Variants in CTNNA3 observed in about 807,000 individuals in gnomAD.
CTNNA3 encodes catenin alpha-3.
Under a neutral mutation model 95.7 loss-of-function variants are expected in CTNNA3, and 76 were observed. That is an observed-to-expected ratio of 0.79 (90% CI 0.66 to 0.96). The LOEUF (loss-of-function observed/expected upper bound fraction) is 0.96. CTNNA3 is among the 40% of genes least tolerant of loss of function. The pLI is 0.00. For missense variants in CTNNA3, 1,191 were observed against 1,089.8 expected (o/e 1.09, Z -1.31); for synonymous variants, 431 against 374.4 (o/e 1.15, Z -1.74).
intron 9 of CTNNA3, among the ~76,000 whole-genome samples, chr10:66,753,196 C>T (rs769181427): frequency 9.9e-5 from 15 of 152,132 alleles, no homozygotes; most frequent in Admixed American, 2.0e-4. Context: ...TGTAAGTTCT[C>T]CCAATAAATC....
intron 7 of CTNNA3, among the ~76,000 whole-genome samples, chr10:67,174,787 T>G (rs1357101328): frequency 6.6e-6 from 1 of 152,180 alleles, no homozygotes; most frequent in Non-Finnish European, 1.5e-5. Context: ...ATGATTCCTT[T>G]ATATCTTCTT....
At chr10:67,057,876 A>G (rs1855533684) in intron 7 of CTNNA3, among the ~76,000 whole-genome samples, 1 of 152,094 alleles carries the variant, frequency 6.6e-6, no homozygotes, top group African/African-American at 2.4e-5. Context: ...TTCATACTCT[A>G]CCCCACAAAT....
chr10:65,924,185 A>T (rs780878020), intron 17 of CTNNA3, among the ~76,000 whole-genome samples: 11 of 152,210 alleles, frequency 7.2e-5, no homozygotes, highest in African/African-American at 2.4e-4. Context: ...AAATTAGTAT[A>T]TTCTTTCCCA....
intron 11 of CTNNA3, among the ~76,000 whole-genome samples, chr10:66,440,209 G>A (rs2093365733): frequency 2.6e-5 from 4 of 152,242 alleles, no homozygotes; most frequent in Admixed American, 2.6e-4. Flanking sequence ...CAATGTGACT[G>A]TCAGGAAAAA....
chr10:67,616,491 A>T (rs925327897), intron 2 of CTNNA3, among the ~76,000 whole-genome samples: 2 of 152,180 alleles, frequency 1.3e-5, no homozygotes, highest in Non-Finnish European at 2.9e-5. Flanking sequence ...TTGAGGAAGC[A>T]GTGGCGGAGT....
At chr10:67,201,702 C>T (rs1863659175) in intron 6 of CTNNA3, among the ~76,000 whole-genome samples, 1 of 152,098 alleles carries the variant, frequency 6.6e-6, no homozygotes, top group South Asian at 2.1e-4. Flanking sequence ...ACTTTAATTG[C>T]AATTATATCC....
intron 11 of CTNNA3, among the ~76,000 whole-genome samples, chr10:66,470,667 G>C (rs1839094653): frequency 6.6e-6 from 1 of 151,716 alleles, no homozygotes; most frequent in Admixed American, 6.6e-5. Context: ...GCCAGCAAAA[G>C]AGACAGATAA....
intron 5 of CTNNA3, among the ~76,000 whole-genome samples, chr10:67,342,783 T>C (rs1156520869): frequency 6.6e-6 from 1 of 152,256 alleles, no homozygotes; most frequent in Non-Finnish European, 1.5e-5. Context: ...TTCTTTATTC[T>C]GTTCCATTGG....
chr10:66,424,465 G>A (rs548187348), intron 11 of CTNNA3, among the ~76,000 whole-genome samples: 18 of 151,946 alleles, frequency 1.2e-4, no homozygotes, highest in African/African-American at 3.9e-4. Flanking sequence ...AGATTTAGAC[G>A]CATTCAGTTG....
At chr10:66,969,980 C>A (rs1457283481) in intron 7 of CTNNA3, among the ~76,000 whole-genome samples, 3 of 152,108 alleles carry the variant, frequency 2.0e-5, no homozygotes, top group Admixed American at 6.5e-5. Context: ...TCAGAGATTT[C>A]TCCCACATCA....
chr10:67,278,667 T>C (rs1483971629), intron 5 of CTNNA3, among the ~76,000 whole-genome samples: 1 of 152,140 alleles, frequency 6.6e-6, no homozygotes, highest in Non-Finnish European at 1.5e-5. Context: ...TGCCTTTCAG[T>C]TGACTGCCTC....
At chr10:66,298,884 G>GC (rs1186887996) in intron 12 of CTNNA3, among the ~76,000 whole-genome samples, 1 of 152,114 alleles carries the variant, frequency 6.6e-6, no homozygotes, top group Non-Finnish European at 1.5e-5. Flanking sequence ...AAATCTTGGA[G>GC]CCCCCAAATC....
chr10:66,342,679 T>C (rs559983591), intron 12 of CTNNA3, among the ~76,000 whole-genome samples: 1 of 152,180 alleles, frequency 6.6e-6, no homozygotes, highest in Non-Finnish European at 1.5e-5. Context: ...GTGCTATAAA[T>C]ATTGGTCATA....
chr10:67,169,333 T>A (rs1266089903), intron 7 of CTNNA3, among the ~76,000 whole-genome samples: 1 of 151,242 alleles, frequency 6.6e-6, no homozygotes, highest in Non-Finnish European at 1.5e-5. Context: ...GCCAAGGCAA[T>A]CCTAAGCAAA....
At chr10:67,091,269 C>G (rs1471238099) in intron 7 of CTNNA3, among the ~76,000 whole-genome samples, 2 of 151,916 alleles carry the variant, frequency 1.3e-5, no homozygotes, top group South Asian at 4.2e-4. Flanking sequence ...AAGTCATCAT[C>G]AAGTGTATTT....
At chr10:66,735,423 A>T (rs932662929) in intron 9 of CTNNA3, among the ~76,000 whole-genome samples, 1 of 151,982 alleles carries the variant, frequency 6.6e-6, no homozygotes, top group Non-Finnish European at 1.5e-5. Flanking sequence ...TTTCTGGCTC[A>T]ATTTAGGTAG....
At chr10:67,027,219 G>A (rs1402865525) in intron 7 of CTNNA3, among the ~76,000 whole-genome samples, 1 of 152,020 alleles carries the variant, frequency 6.6e-6, no homozygotes. Context: ...GGAGAGATGA[G>A]GAAAGGAAGG....
intron 5 of CTNNA3, among the ~76,000 whole-genome samples, chr10:67,512,115 T>C (rs1839656051): frequency 6.6e-6 from 1 of 152,158 alleles, no homozygotes; most frequent in Non-Finnish European, 1.5e-5. Flanking sequence ...CCAATAGATA[T>C]ATAAAAAGGT....
At chr10:67,732,902 AC>A (rs1171385490) in intron 1 of CTNNA3, among the ~76,000 whole-genome samples, 1 of 119,690 alleles carries the variant, frequency 8.4e-6, no homozygotes, top group African/African-American at 5.3e-5. Context: ...ACACACACAC[AC>A]ACACACACAT....
Sources: allele counts gnomAD v4.1 joint callset (sites outside exome capture counted in the v4.1 genomes callset), GRCh38; gene constraint gnomAD v4.1.1; transcripts MANE v1.5; gene names NCBI Gene and HGNC (gene_info 2026-07-23, HGNC 2026-07-21).